Variants in CPED1 observed in about 807,000 individuals in gnomAD.
CPED1 encodes cadherin like and PC-esterase domain containing 1.
A neutral mutation model predicts 128.2 loss-of-function variants in CPED1; 114 were observed. The ratio of observed to expected loss-of-function variants is 0.89; its 90% CI spans 0.76 to 1.04. The LOEUF (loss-of-function observed/expected upper bound fraction) is 1.04, where lower values mean the gene tolerates loss of function less well. CPED1 is among the 50% of genes least tolerant of loss of function. The pLI is 0.00. For synonymous variants in CPED1, 462 were observed against 426.7 expected, an observed-to-expected ratio of 1.08 and a Z score of -1.02; for missense variants, 1,211 against 1,207.1, an observed-to-expected ratio of 1.00 and a Z score of -0.05.
intron 18 of CPED1, among the ~76,000 whole-genome samples, chr7:121,263,467 C>T (rs1792058927): frequency 6.6e-6 from 1 of 152,030 alleles, no homozygotes; most frequent in African/African-American, 2.4e-5. Context: ...TTTAAAATCA[C>T]ATTTAAGTCC....
At chr7:121,228,215 G>A (rs1488953281) in intron 16 of CPED1, among the ~76,000 whole-genome samples, 4 of 151,986 alleles carry the variant, frequency 2.6e-5, no homozygotes, top group African/African-American at 4.8e-5. Context: ...CTTGCTGAAT[G>A]AGAGAAAATA....
At chr7:121,186,916 C>T (rs747027451) in intron 16 of CPED1, among the ~76,000 whole-genome samples, 2 of 152,150 alleles carry the variant, frequency 1.3e-5, no homozygotes, top group Non-Finnish European at 2.9e-5. Flanking sequence ...AGAGTCTGCA[C>T]ATTAGTGTGG....
intron 16 of CPED1, among the ~76,000 whole-genome samples, chr7:121,226,507 G>A (rs999690990): frequency 6.6e-6 from 1 of 152,056 alleles, no homozygotes; most frequent in East Asian, 1.9e-4. Flanking sequence ...CACTTGAGAT[G>A]TGTTTAGTTT....
intron 7 of CPED1, among the ~76,000 whole-genome samples, chr7:121,117,530 T>G (rs1313975487): frequency 6.6e-6 from 1 of 152,136 alleles, no homozygotes; most frequent in Non-Finnish European, 1.5e-5. Flanking sequence ...AAAAATCTGA[T>G]TTTTTTCCTT....
intron 7 of CPED1, among the ~76,000 whole-genome samples, chr7:121,114,135 TG>T (rs1476433969): frequency 6.6e-6 from 1 of 152,200 alleles, no homozygotes; most frequent in African/African-American, 2.4e-5. Flanking sequence ...CGGCCTTATT[TG>T]AAACTTTTAA....
At chr7:121,020,657 A>C (rs1331617087) in intron 3 of CPED1, among the ~76,000 whole-genome samples, 2 of 151,906 alleles carry the variant, frequency 1.3e-5, no homozygotes, top group Non-Finnish European at 2.9e-5. Flanking sequence ...AAAATTAATA[A>C]AATGTACATA....
chr7:121,069,686 A>T (rs1019398461), intron 5 of CPED1, among the ~76,000 whole-genome samples: 2 of 152,166 alleles, frequency 1.3e-5, no homozygotes, highest in African/African-American at 4.8e-5. Context: ...CCTTTTGAAA[A>T]AAAAGTGTCA....
chr7:121,180,863 C>T (rs1310900301), intron 16 of CPED1, among the ~76,000 whole-genome samples: 1 of 151,928 alleles, frequency 6.6e-6, no homozygotes, highest in African/African-American at 2.4e-5. Context: ...ACTTTTAGGA[C>T]TAATGTGATG....
At chr7:121,008,468 AG>A (rs1455150494) in intron 2 of CPED1, among the ~76,000 whole-genome samples, 3 of 152,200 alleles carry the variant, frequency 2.0e-5, no homozygotes, top group African/African-American at 7.2e-5. Context: ...AAGAGAAAAA[AG>A]ACAATTCTTC....
intron 4 of CPED1, among the ~76,000 whole-genome samples, chr7:121,062,580 T>C (rs1020176580): frequency 6.6e-6 from 1 of 152,184 alleles, no homozygotes. Flanking sequence ...CTTTTGGATT[T>C]GAGAAATCGA....
Position 121,189,952 on chromosome 7 carries a change from G to A in CPED1, c.2056-46762G>A, listed in dbSNP as rs139779351. ...CATCAGGTACTATTATAGACACCAG[G>A]CAACAACAGTGAACAAGAACTAGGC... On this transcript the variant is annotated intron_variant, in intron 16 of 22. Transcript: ENST00000310396. Among the ~76,000 whole-genome samples the A allele has an allele frequency of 1.2e-4, 18 of 151,138 alleles. 1 individual carries two copies. In the East Asian group the frequency reaches 3.5e-3, roughly 29 times the overall value.
At chr7:121,026,650 C>G (rs1221556225) in intron 3 of CPED1, among the ~76,000 whole-genome samples, 2 of 135,444 alleles carry the variant, frequency 1.5e-5, no homozygotes, top group African/African-American at 5.5e-5. Context: ...GGGAGACAGA[C>G]CAGGACATCA....
At chr7:121,132,378 GGTTACC>G (rs1795693064) in intron 12 of CPED1, among the ~76,000 whole-genome samples, 1 of 151,790 alleles carries the variant, frequency 6.6e-6, no homozygotes, top group African/African-American at 2.4e-5. Flanking sequence ...TCTTCTCAAT[GGTTACC>G]ACAGTTTTTT....
chr7:121,036,902 A>G (rs892371485), intron 3 of CPED1, among the ~76,000 whole-genome samples: 1 of 151,968 alleles, frequency 6.6e-6, no homozygotes, highest in Non-Finnish European at 1.5e-5. Flanking sequence ...GATGTTGAGC[A>G]TTTTTTCATA....
At chr7:121,261,649 G>C (rs776884302) in intron 18 of CPED1, 3 of 1,611,172 alleles carry the variant, frequency 1.9e-6, no homozygotes, top group Non-Finnish European at 2.5e-6. Flanking sequence ...TCGATGTCCA[G>C]AGAGTTCCTA....
At position 121,014,192 on chromosome 7, in the gene CPED1, T is replaced by C. The variant is rs76534404; in HGVS notation, c.250-1473T>C. 7.6e-3 allele frequency among the ~76,000 whole-genome samples: 1,161 copies of C among 152,112 alleles called. 16 individuals carry two copies. Among genetic ancestry groups the C allele is most frequent in the African/African-American group, 0.025 (1,039 of 41,502 alleles). On this transcript the variant is annotated intron_variant, in intron 2 of 22. Coordinates refer to ENST00000310396, the MANE Select transcript of CPED1 (RefSeq NM_024913.5). ...GGTCAGGGATAAAGATGATTAAGAG[T>C]GTGATGTGATCTGACCAGAGAAGGA...
chr7:121,194,525 A>G (rs1343477854), intron 16 of CPED1, among the ~76,000 whole-genome samples: 1 of 152,028 alleles, frequency 6.6e-6, no homozygotes, highest in Admixed American at 6.6e-5. Flanking sequence ...ACGGATGATT[A>G]TTTCATTTAC....
intron 2 of CPED1, among the ~76,000 whole-genome samples, chr7:121,002,296 G>A (rs1439757148): frequency 6.6e-6 from 1 of 152,092 alleles, no homozygotes; most frequent in African/African-American, 2.4e-5. Flanking sequence ...AATGGAACAG[G>A]AAATTAACTT....
rs778776131 is a variant in CPED1, at chr7:121,124,364, A to G, written c.952A>G (p.Ser318Gly). 6 of 1,610,182 alleles carry G rather than the reference A, an allele frequency of 3.7e-6. No homozygotes were observed. The highest frequency in any genetic ancestry group is 2.2e-5 in the East Asian group (1 of 44,620). ...QTFFETFLRASSPQQAFDIMK... is the reference protein window; with the variant it reads ...QTFFETFLRAGSPQQAFDIMK... ...ATTTTTTGAGACATTCCTGAGAGCCAGTTCACCTCAACAGGCTTTTGACAT... is the reference window on the plus strand; with the variant it reads ...ATTTTTTGAGACATTCCTGAGAGCCGGTTCACCTCAACAGGCTTTTGACAT... Residue 318 changes from serine to glycine, a missense_variant, in exon 8 of 23, where the codon AGT becomes GGT. Ser to Gly is a moderately conservative substitution (Grantham distance 56, BLOSUM62 0). Coordinates refer to ENST00000310396, the MANE Select transcript of CPED1 (RefSeq NM_024913.5).
Sources: allele counts gnomAD v4.1 joint callset (sites outside exome capture counted in the v4.1 genomes callset), GRCh38; gene constraint gnomAD v4.1.1; transcripts MANE v1.5; gene names NCBI Gene and HGNC (gene_info 2026-07-23, HGNC 2026-07-21).